The following ARHGAP25 variants were observed in gnomAD, a reference collection of about 807,000 sequenced individuals.
ARHGAP25 encodes the protein rho GTPase-activating protein 25.
In ARHGAP25, 34 loss-of-function variants were observed where a neutral mutation model predicts 71.0. The observed-to-expected ratio is 0.48, with a 90% CI of 0.36 to 0.64. The LOEUF is 0.64. Among genes scored for constraint, ARHGAP25 ranks in the 30% least tolerant of loss-of-function variants. The pLI is 0.00. For synonymous variants in ARHGAP25, 282 were observed against 296.5 expected (o/e 0.95, Z 0.50); for missense variants, 706 against 805.1 (o/e 0.88, Z 1.49).
intron 2 of ARHGAP25, among the ~76,000 whole-genome samples, chr2:68,726,898 T>A (rs1674896827): frequency 6.8e-6 from 1 of 146,266 alleles, no homozygotes; most frequent in African/African-American, 2.5e-5. Context: ...CATAGTCCTA[T>A]TGCACAAATC....
intron 2 of ARHGAP25, among the ~76,000 whole-genome samples, chr2:68,717,551 T>C (rs763631187): frequency 4.6e-5 from 7 of 152,202 alleles, no homozygotes; most frequent in Non-Finnish European, 7.3e-5. Context: ...GGGTGTTAGG[T>C]AAAAACTGCA....
chr2:68,814,288 T>C (rs1360366127), intron 6 of ARHGAP25, among the ~76,000 whole-genome samples: 1 of 152,216 alleles, frequency 6.6e-6, no homozygotes, highest in African/African-American at 2.4e-5. Context: ...CAATAGAACT[T>C]TCTATGGTAA....
At chr2:68,742,909 T>C (rs1435649285) in intron 1 of ARHGAP25, among the ~76,000 whole-genome samples, 2 of 152,236 alleles carry the variant, frequency 1.3e-5, no homozygotes, top group African/African-American at 4.8e-5. Context: ...CCTTCTCAAT[T>C]TGCATGAATT....
chr2:68,815,587 G>T (rs1050932029), intron 6 of ARHGAP25, among the ~76,000 whole-genome samples: 3 of 151,496 alleles, frequency 2.0e-5, no homozygotes, highest in African/African-American at 7.3e-5. Flanking sequence ...AGTAGCTGGG[G>T]TTACAGCCGT....
At chr2:68,773,332 G>T (rs1677612860) in intron 1 of ARHGAP25, among the ~76,000 whole-genome samples, 1 of 152,196 alleles carries the variant, frequency 6.6e-6, no homozygotes, top group Non-Finnish European at 1.5e-5. Context: ...GAATCAGAAA[G>T]AATGAAATTC....
intron 2 of ARHGAP25, among the ~76,000 whole-genome samples, chr2:68,716,205 G>C (rs1018538983): frequency 6.6e-6 from 1 of 152,218 alleles, no homozygotes; most frequent in African/African-American, 2.4e-5. Flanking sequence ...AAAGCAGAGA[G>C]ATAAAGGAGT....
chr2:68,781,985 T>C (rs73933374), intron 2 of ARHGAP25, among the ~76,000 whole-genome samples: 6,461 of 152,226 alleles, frequency 0.042, 467 homozygotes, highest in African/African-American at 0.15. Flanking sequence ...TGACACCCTC[T>C]TAGCTCATTC....
At chr2:68,782,159 A>T (rs866420526) in intron 2 of ARHGAP25, 74 bp from the exon 3 acceptor site, 6 of 1,298,826 alleles carry the variant, frequency 4.6e-6, no homozygotes, top group South Asian at 1.2e-5. Flanking sequence ...TCATTATCCT[A>T]TCTGTTGTCC....
chr2:68,774,762 G>T (rs1573497029), intron 1 of ARHGAP25: 1 of 1,022,274 alleles, frequency 9.8e-7, no homozygotes, highest in Non-Finnish European at 1.2e-6. Flanking sequence ...GAGTGCCCAG[G>T]CAGCTTCCGG....
chr2:68,722,939 G>T (rs1224976626), intron 2 of ARHGAP25, among the ~76,000 whole-genome samples: 2 of 152,166 alleles, frequency 1.3e-5, no homozygotes, highest in Admixed American at 1.3e-4. Context: ...GCTAGGTCTG[G>T]AGTTCAGCTG....
intron 5 of ARHGAP25, among the ~76,000 whole-genome samples, chr2:68,808,190 A>G (rs1466420539): frequency 6.6e-6 from 1 of 152,150 alleles, no homozygotes; most frequent in Non-Finnish European, 1.5e-5. Context: ...ATGTTGTGCA[A>G]TCTCCACCCC....
rs747794893 is a variant in ARHGAP25 at position 68,825,980 on chromosome 2, C to T, written c.1734-7C>T. ...ATTCTTTCATTCTTTTCTTTCCTTC[C>T]TTGTAGCCTTGAGAAGGAAAATTAT... is the stretch of plus-strand genomic sequence containing the variant. On this transcript the variant is annotated splice_polypyrimidine_tract_variant and splice_region_variant and intron_variant, in intron 10 of 10. Coordinates refer to ENST00000409202, the MANE Select transcript of ARHGAP25 (RefSeq NM_001007231.3). The T allele has an allele frequency of 1.2e-6, 2 of 1,606,450 alleles. No individual in the cohort carries two copies. The highest frequency in any genetic ancestry group is 1.7e-6 in the Non-Finnish European group (2 of 1,175,188).
chr2:68,771,777 G>T (rs1166635395), intron 1 of ARHGAP25, among the ~76,000 whole-genome samples: 1 of 152,188 alleles, frequency 6.6e-6, no homozygotes, highest in Non-Finnish European at 1.5e-5. Flanking sequence ...TATAACAGGT[G>T]GCCCAGTGCT....
At chr2:68,718,167 T>C (rs1674664989) in intron 2 of ARHGAP25, among the ~76,000 whole-genome samples, 2 of 152,120 alleles carry the variant, frequency 1.3e-5, no homozygotes, top group Non-Finnish European at 2.9e-5. Flanking sequence ...AAAAGTATCT[T>C]CTTTGCCAAT....
intron 1 of ARHGAP25, chr2:68,735,588 T>C (rs1675172200): frequency 2.5e-6 from 1 of 407,940 alleles, no homozygotes; most frequent in Non-Finnish European, 4.5e-6. Context: ...AACTCATCCA[T>C]ATTTTGAATG....
chr2:68,806,054 G>A (rs1197770872), intron 4 of ARHGAP25, among the ~76,000 whole-genome samples: 1 of 152,208 alleles, frequency 6.6e-6, no homozygotes, highest in Non-Finnish European at 1.5e-5. Flanking sequence ...GACAGAGCTG[G>A]GGTGGAGCTG....
rs192520383 is a variant in ARHGAP25, at chr2:68,785,565, A to G, written c.350-2275A>G. On this transcript the variant is annotated intron_variant, in intron 3 of 10. Coordinates refer to ENST00000409202, the MANE Select transcript of ARHGAP25 (RefSeq NM_001007231.3). ...TTTTCGGGGGTTTGGGGGTAAGGGCATCAGTTTTGGACATATTAAATAATA... is the reference window on the plus strand; with the variant it reads ...TTTTCGGGGGTTTGGGGGTAAGGGCGTCAGTTTTGGACATATTAAATAATA... 6.6e-5 allele frequency among the ~76,000 whole-genome samples: 10 copies of G among 151,532 alleles called. No individual in the cohort carries two copies. The East Asian group carries it at 9.6e-4, about 15-fold the overall frequency.
At chr2:68,728,780 T>A (rs770010816) in intron 2 of ARHGAP25, among the ~76,000 whole-genome samples, 3 of 152,026 alleles carry the variant, frequency 2.0e-5, no homozygotes, top group Non-Finnish European at 4.4e-5. Flanking sequence ...AAATAAAATT[T>A]AAAAAACTTG....
upstream of ARHGAP25, among the ~76,000 whole-genome samples, chr2:68,729,939 A>G (rs1405591164): frequency 6.6e-6 from 1 of 152,258 alleles, no homozygotes; most frequent in Non-Finnish European, 1.5e-5. Flanking sequence ...ATATTTAGCT[A>G]TAAGAATATT....
Sources: allele counts gnomAD v4.1 joint callset (sites outside exome capture counted in the v4.1 genomes callset), GRCh38; gene constraint gnomAD v4.1.1; transcripts MANE v1.5; gene names NCBI Gene and HGNC (gene_info 2026-07-23, HGNC 2026-07-21).